The following ADAMTS16 variants were observed in gnomAD, a reference collection of about 807,000 sequenced individuals.
ADAMTS16 encodes A disintegrin and metalloproteinase with thrombospondin motifs 16.
Under a neutral mutation model 145.8 loss-of-function variants are expected in ADAMTS16, and 94 were observed. The ratio of observed to expected loss-of-function variants is 0.64; its 90% CI spans 0.55 to 0.77. The LOEUF (loss-of-function observed/expected upper bound fraction) is 0.77. Ranked by LOEUF, ADAMTS16 falls within the 30% of genes least tolerant of loss-of-function variation. The probability of loss-of-function intolerance (pLI) is 0.00; values close to 1 mark genes in which losing one functional copy is unlikely to be tolerated. For missense variants in ADAMTS16, 1,585 were observed against 1,591.5 expected (o/e 1.00, Z 0.07); for synonymous variants, 659 against 604.3 (o/e 1.09, Z -1.33).
chr5:5,318,988 G>A (rs780398089), intron 22 of ADAMTS16, 35 bp from the exon 23 acceptor site: 3 of 1,494,116 alleles, frequency 2.0e-6, no homozygotes, highest in East Asian at 4.6e-5. Flanking sequence ...GCTGCACTCG[G>A]GATCGCTGAG....
rs200433464 is a variant in ADAMTS16 at position 5,319,061 on chromosome 5, G to A, written c.3598G>A (p.Val1200Ile). The A allele has an allele frequency of 2.9e-5, 46 of 1,613,304 alleles. No homozygotes were observed. The highest frequency in any genetic ancestry group is 4.5e-5 in the East Asian group (2 of 44,894). Residue 1200 changes from valine (V) to isoleucine (I), a missense_variant, in exon 23 of 23, where the codon GTA becomes ATA. By Grantham distance (29) the Val-to-Ile change is conservative. Around this residue, in one of 3 missense-constraint regions of ADAMTS16, gnomAD observed 834 missense variants for 811.7 expected, o/e 1.03. Coordinates refer to ENST00000274181, the MANE Select transcript of ADAMTS16 (RefSeq NM_139056.4). Reference protein sequence around the residue: ...CKDYFHWCYLVPQHGMCSHKF... With the variant: ...CKDYFHWCYLIPQHGMCSHKF... ...AGACTACTTCCACTGGTGCTACCTG[G>A]TACCCCAGCACGGGATGTGCAGCCA...
chr5:5,220,994 C>T (rs558917329), intron 10 of ADAMTS16, among the ~76,000 whole-genome samples: 237 of 152,232 alleles, frequency 1.6e-3, no homozygotes, highest in African/African-American at 4.9e-3. Flanking sequence ...GAGGTCTCTA[C>T]GCCCCATCGG....
At chr5:5,305,000 CACACA>C (rs1739987105) in intron 20 of ADAMTS16, among the ~76,000 whole-genome samples, 1 of 93,932 alleles carries the variant, frequency 1.1e-5, no homozygotes, top group Non-Finnish European at 2.4e-5. Flanking sequence ...CACACACACA[CACACA>C]TCCCACACCA....
chr5:5,291,258 A>G (rs900611666), intron 18 of ADAMTS16, among the ~76,000 whole-genome samples: 2 of 152,038 alleles, frequency 1.3e-5, no homozygotes, highest in Non-Finnish European at 2.9e-5. Context: ...GGATGTATAT[A>G]ATAAGTATAA....
intron 18 of ADAMTS16, among the ~76,000 whole-genome samples, chr5:5,265,960 G>A (rs965288392): frequency 4.6e-5 from 7 of 151,382 alleles, no homozygotes; most frequent in African/African-American, 1.7e-4. Flanking sequence ...ATGAAGTGGG[G>A]AAACCAGTAA....
At chr5:5,229,043 A>T in intron 11 of ADAMTS16, among the ~76,000 whole-genome samples, 1 of 152,152 alleles carries the variant, frequency 6.6e-6, no homozygotes, top group Non-Finnish European at 1.5e-5. Context: ...TCACGCCTGT[A>T]ATCCCAGCAC....
At chr5:5,194,720 A>G (rs1735753471) in intron 8 of ADAMTS16, among the ~76,000 whole-genome samples, 1 of 152,210 alleles carries the variant, frequency 6.6e-6, no homozygotes, top group Non-Finnish European at 1.5e-5. Context: ...TTTTGGAAGA[A>G]GGAATGATAA....
At chr5:5,309,707 C>T (rs1162327659) in intron 21 of ADAMTS16, among the ~76,000 whole-genome samples, 3 of 152,100 alleles carry the variant, frequency 2.0e-5, no homozygotes, top group African/African-American at 7.2e-5. Flanking sequence ...ACTGGCCAAC[C>T]ATGTGCTTCC....
At chr5:5,248,150 AT>A (rs1389788026) in intron 17 of ADAMTS16, among the ~76,000 whole-genome samples, 1 of 151,952 alleles carries the variant, frequency 6.6e-6, no homozygotes, top group Admixed American at 6.5e-5. Flanking sequence ...AATTCGTTTG[AT>A]TTTTTTTCTT....
chr5:5,153,015 T>A (rs1734515272), intron 3 of ADAMTS16, among the ~76,000 whole-genome samples: 1 of 152,230 alleles, frequency 6.6e-6, no homozygotes, highest in African/African-American at 2.4e-5. Flanking sequence ...CTTCAAAACA[T>A]GGGAATCCAG....
chr5:5,239,852 A>G lies in ADAMTS16; in HGVS notation c.2450A>G (p.Asp817Gly), dbSNP rs1737233340. 1 of 1,613,952 alleles carries G rather than the reference A, an allele frequency of 6.2e-7. No individual in the cohort carries two copies. Among genetic ancestry groups the G allele is most frequent in the Non-Finnish European group, 8.5e-7 (1 of 1,180,000 alleles). The change falls in exon 16 of 23, where the codon GAC (aspartate) becomes GGC (glycine). Residue 817 changes from aspartate to glycine, a missense_variant. Asp to Gly is a moderately conservative substitution (Grantham distance 94). Around this residue, in one of 3 missense-constraint regions of ADAMTS16, gnomAD observed 834 missense variants for 811.7 expected, o/e 1.03. Transcript: ENST00000274181. ...TACAAATTTTCGGGCACTACTTTCG[A>G]CTACAGACGGTCCTATAATGAGCCC... ...GRYKFSGTTF[D>G]YRRSYNEPEN...
chr5:5,249,406 A>T (rs577114440), intron 17 of ADAMTS16, among the ~76,000 whole-genome samples: 1 of 152,140 alleles, frequency 6.6e-6, no homozygotes, highest in African/African-American at 2.4e-5. Flanking sequence ...TGTTCTGAAC[A>T]TGAGATGGGA....
chr5:5,250,570 T>C (rs1325038528), intron 17 of ADAMTS16, among the ~76,000 whole-genome samples: 2 of 152,192 alleles, frequency 1.3e-5, no homozygotes, highest in African/African-American at 2.4e-5. Context: ...GGTATGAGTG[T>C]TGGGGCCCAG....
chr5:5,303,873 T>C, intron 20 of ADAMTS16, 107 bp downstream of exon 20: 2 of 1,307,380 alleles, frequency 1.5e-6, no homozygotes, highest in South Asian at 2.9e-5. Flanking sequence ...TCCCCTTATA[T>C]CTCTTCTTGG....
chr5:5,194,872 G>A (rs16874983), intron 8 of ADAMTS16, among the ~76,000 whole-genome samples: 6,506 of 152,182 alleles, frequency 0.043, 200 homozygotes, highest in Admixed American at 0.086. Flanking sequence ...ATTAAAAAAC[G>A]TGTAAAACAT....
chr5:5,306,498 T>C lies in ADAMTS16; in HGVS notation c.3187-6T>C. On this transcript the variant is annotated splice_region_variant and splice_polypyrimidine_tract_variant and intron_variant, in intron 20 of 22. Transcript: ENST00000274181. ...TCACTGACTTCTTTTGTTCTCTTCT[T>C]TTTAGTGCTCTGTGACATGTGAAAG... 1 of 1,606,256 alleles carries C rather than the reference T, an allele frequency of 6.2e-7. No homozygotes were observed. Among genetic ancestry groups the C allele is most frequent in the Non-Finnish European group, 8.5e-7 (1 of 1,174,440 alleles).
Position 5,238,867 on chromosome 5 carries a change from C to T in ADAMTS16, c.2155-284C>T, listed in dbSNP as rs147355064. Among the ~76,000 whole-genome samples, 675 of 152,320 alleles carry T rather than the reference C, an allele frequency of 4.4e-3. 4 individuals carry two copies. Among genetic ancestry groups the T allele is most frequent in the African/African-American group, 0.015 (637 of 41,570 alleles). ...TTAGGTCAGTGTGAAATTCACCCATCGCTCCAACATGACAACCTACAGGTT... is the reference window on the plus strand; with the variant it reads ...TTAGGTCAGTGTGAAATTCACCCATTGCTCCAACATGACAACCTACAGGTT... On this transcript the variant is annotated intron_variant, in intron 14 of 22. Transcript: ENST00000274181.
intron 17 of ADAMTS16, among the ~76,000 whole-genome samples, chr5:5,253,783 C>T (rs1226674746): frequency 6.6e-6 from 1 of 152,196 alleles, no homozygotes; most frequent in African/African-American, 2.4e-5. Flanking sequence ...CCTCCCTGGC[C>T]TCCCTGCAGC....
chr5:5,166,889 C>A (rs1666696076), intron 3 of ADAMTS16, among the ~76,000 whole-genome samples: 1 of 152,166 alleles, frequency 6.6e-6, no homozygotes, highest in Non-Finnish European at 1.5e-5. Context: ...GTCCTTACAG[C>A]ATCTCTTCCC....
Sources: allele counts gnomAD v4.1 joint callset (sites outside exome capture counted in the v4.1 genomes callset), GRCh38; gene constraint gnomAD v4.1.1; regional missense constraint gnomAD v4.1.1; transcripts MANE v1.5; gene names NCBI Gene and HGNC (gene_info 2026-07-23, HGNC 2026-07-21).